ZZEF1: variants seen among roughly 807,000 people sequenced by gnomAD.
The protein encoded by ZZEF1 is zinc finger ZZ-type and EF-hand domain-containing protein 1.
Under a neutral mutation model 342.8 loss-of-function variants are expected in ZZEF1, and 157 were observed. The ratio of observed to expected loss-of-function variants is 0.46; its 90% confidence interval spans 0.40 to 0.52. The LOEUF (loss-of-function observed/expected upper bound fraction) is 0.52. Ranked by LOEUF, ZZEF1 falls within the 20% of genes least tolerant of loss-of-function variation. The pLI, the probability that ZZEF1 is intolerant of heterozygous loss-of-function variation, is 0.00. For missense variants in ZZEF1, 3,480 were observed against 3,725.6 expected, an observed-to-expected ratio of 0.93 and a Z score of 1.72; for synonymous variants, 1,505 against 1,429.1, an observed-to-expected ratio of 1.05 and a Z score of -1.20.
chr17:4,077,817 GAA>G (rs1297471996), intron 19 of ZZEF1, 64 bp downstream of exon 19: 50 of 1,551,142 alleles, frequency 3.2e-5, no homozygotes, highest in Non-Finnish European at 4.4e-5. Context: ...AGTTACTAAA[GAA>G]GAGAACACTC....
intron 25 of ZZEF1, 128 bp from the exon 26 acceptor site, chr17:4,071,052 T>C (rs1054917077): frequency 1.8e-6 from 2 of 1,107,100 alleles, no homozygotes; most frequent in Non-Finnish European, 2.5e-6. Flanking sequence ...TTAAATCTAT[T>C]TTAGGAAGAC....
intron 11 of ZZEF1, among the ~76,000 whole-genome samples, chr17:4,093,656 C>G (rs1313087801): frequency 2.6e-5 from 4 of 152,170 alleles, no homozygotes; most frequent in Non-Finnish European, 5.9e-5. Context: ...TGTGCATTTT[C>G]ACAAATTCCC....
chr17:4,127,960 C>A (rs1231389498), intron 1 of ZZEF1, among the ~76,000 whole-genome samples: 1 of 152,204 alleles, frequency 6.6e-6, no homozygotes, highest in Non-Finnish European at 1.5e-5. Flanking sequence ...ACACAAAGAG[C>A]AACCAGCTTT....
intron 38 of ZZEF1, among the ~76,000 whole-genome samples, chr17:4,043,513 G>A (rs549566493): frequency 1.3e-5 from 2 of 152,324 alleles, no homozygotes; most frequent in South Asian, 4.1e-4. Context: ...GCCACCATAA[G>A]GAGGAGGCTG....
chr17:4,050,945 C>G lies in ZZEF1; in HGVS notation c.5699G>C (p.Trp1900Ser), dbSNP rs747567918. Residue 1900 changes from tryptophan (W) to serine (S), a missense_variant, in exon 36 of 55, where the codon TGG becomes TCG. Coordinates refer to ENST00000381638, the MANE Select transcript of ZZEF1 (RefSeq NM_015113.4). ...LIQPYIHNYS[W>S]LLFAALALYS... Reference sequence around the variant, plus strand: ...GAGAGCCAGGGCAGCAAAGAGCAGCCAGGAGTAGTTATGGATATATGGCTG... The same window carrying G: ...GAGAGCCAGGGCAGCAAAGAGCAGCGAGGAGTAGTTATGGATATATGGCTG... 3.7e-6 allele frequency: 6 copies of G among 1,614,198 alleles called. No individual in the cohort carries two copies. The Admixed American group carries it at 8.3e-5, about 22-fold the overall frequency.
In ZZEF1 at chr17:4,142,846, C is replaced by T; in HGVS notation, c.50G>A (p.Gly17Asp). ...CTGGTGTGGGCCCCAGCCCTCGCCACCGGCAGCTGCCGCTTCGTCTTCACT... is the reference window on the plus strand; with the variant it reads ...CTGGTGTGGGCCCCAGCCCTCGCCATCGGCAGCTGCCGCTTCGTCTTCACT... ...HSSEDEAAAA[G>D]GEGWGPHQDW... The change falls in exon 1 of 55, where the codon GGT (glycine) becomes GAT (aspartate). Residue 17 changes from glycine to aspartate, a missense_variant. Coordinates refer to ENST00000381638, the MANE Select transcript of ZZEF1 (RefSeq NM_015113.4). 1 of 1,395,406 alleles carries T rather than the reference C, an allele frequency of 7.2e-7. No homozygotes were observed. The allele number at this position is 1,395,406 out of a possible 1,614,324, so 86.4% of individuals were successfully genotyped here.
At position 4,062,904 on chromosome 17, in the gene ZZEF1, G is replaced by T. The variant is rs1488241569; in HGVS notation, c.4732C>A (p.Leu1578Ile). 6.2e-7 allele frequency: 1 copy of T among 1,611,434 alleles called. No individual in the cohort carries two copies. Among genetic ancestry groups the T allele is most frequent in the Non-Finnish European group, 8.5e-7 (1 of 1,179,154 alleles). Reference protein sequence around the residue: ...SLSHRSVVKVLSLRKAQAQSI... With the variant: ...SLSHRSVVKVISLRKAQAQSI... Reference sequence around the variant, plus strand: ...TGGGCCTGGGCTTTCCTCAGGGAAAGAACCTTCACAACACTGGAGACACAA... The same window carrying T: ...TGGGCCTGGGCTTTCCTCAGGGAAATAACCTTCACAACACTGGAGACACAA... The change falls in exon 30 of 55, where the codon CTT becomes ATT. Residue 1578 changes from leucine to isoleucine, a missense_variant. Around this residue, in one of 5 missense-constraint regions of ZZEF1, gnomAD observed 1,528 missense variants for 1,624.1 expected, o/e 0.94. Transcript: ENST00000381638.
At chr17:4,095,723 T>C in intron 11 of ZZEF1, 108 bp downstream of exon 11, 2 of 1,253,160 alleles carry the variant, frequency 1.6e-6, no homozygotes, top group Non-Finnish European at 2.1e-6. Flanking sequence ...GCCTTTTCTA[T>C]AAAGACAAGC....
In ZZEF1 at chr17:4,077,997, C is replaced by G. The variant is rs1393227923; in HGVS notation, c.2875G>C (p.Val959Leu). 1 of 1,613,978 alleles carries G rather than the reference C, an allele frequency of 6.2e-7. No homozygotes were observed. The highest frequency in any genetic ancestry group is 2.2e-5 in the East Asian group (1 of 44,896). The stretch of plus-strand genomic sequence containing the variant: ...ACGGACCAGAACAGGGAGAAGAGCA[C>G]AGAGCCCACCTCCCCTGGGGCCCCA... ...LSGAPGEVGS[V>L]LFSLFWSVQG... The change falls in exon 19 of 55, where the codon GTG (valine) becomes CTG (leucine). Residue 959 changes from valine (V) to leucine (L), a missense_variant. Around this residue, in one of 5 missense-constraint regions of ZZEF1, gnomAD observed 1,528 missense variants for 1,624.1 expected, o/e 0.94. Transcript: ENST00000381638.
chr17:4,009,343 C>T (rs2055884324), intron 53 of ZZEF1: 2 of 586,660 alleles, frequency 3.4e-6, no homozygotes, highest in Admixed American at 6.0e-5. Context: ...CCAAAACTCA[C>T]TGTTGTCAAG....
At chr17:4,093,221 G>C (rs2057976912) in intron 11 of ZZEF1, among the ~76,000 whole-genome samples, 1 of 152,150 alleles carries the variant, frequency 6.6e-6, no homozygotes, top group Admixed American at 6.5e-5. Context: ...CCCAAGAGTA[G>C]GACATAGCTG....
chr17:4,009,261 A>C (rs1428231082), intron 53 of ZZEF1: 3 of 558,922 alleles, frequency 5.4e-6, no homozygotes, highest in African/African-American at 1.9e-5. Flanking sequence ...CAGCTCCCAC[A>C]TTCAATCAGT....
chr17:4,091,804 C>T (rs1319955784), intron 11 of ZZEF1, among the ~76,000 whole-genome samples: 2 of 150,614 alleles, frequency 1.3e-5, no homozygotes, highest in Non-Finnish European at 3.0e-5. Flanking sequence ...AGGCCGGGCA[C>T]GGTGGCTCAC....
intron 3 of ZZEF1, among the ~76,000 whole-genome samples, chr17:4,116,156 TA>T (rs1431800930): frequency 6.6e-6 from 1 of 152,132 alleles, no homozygotes; most frequent in Non-Finnish European, 1.5e-5. Context: ...CTGTCTCTAC[TA>T]AAAATACAGA....
chr17:4,039,869 C>T (rs2056764971), intron 39 of ZZEF1, among the ~76,000 whole-genome samples: 4 of 152,026 alleles, frequency 2.6e-5, no homozygotes, highest in Admixed American at 2.6e-4. Flanking sequence ...TGGTCTCGAT[C>T]TCCTGACCTC....
At chr17:4,015,688 C>T (rs1030460030) in intron 49 of ZZEF1, among the ~76,000 whole-genome samples, 5 of 151,672 alleles carry the variant, frequency 3.3e-5, no homozygotes, top group African/African-American at 1.2e-4. Flanking sequence ...CACTTGAATT[C>T]GGGAGGTGGA....
intron 2 of ZZEF1, among the ~76,000 whole-genome samples, chr17:4,123,288 T>TATATATAC (rs1181606521): frequency 2.1e-5 from 2 of 95,358 alleles, no homozygotes; most frequent in Non-Finnish European, 4.5e-5. Context: ...TATATATATA[T>TATATATAC]ATATATATAT....
At position 4,105,738 on chromosome 17, in the gene ZZEF1, G is replaced by A. The variant is rs1393971744; in HGVS notation, c.1349C>T (p.Pro450Leu). The change falls in exon 7 of 55, where the codon CCT (proline) becomes CTT (leucine). Residue 450 changes from proline to leucine, a missense_variant. Around this residue, in one of 5 missense-constraint regions of ZZEF1, gnomAD observed 1,528 missense variants for 1,624.1 expected, o/e 0.94. Coordinates refer to ENST00000381638, the MANE Select transcript of ZZEF1 (RefSeq NM_015113.4). ...GSTDFSTFLS[P>L]NVLEEVDSFL... is the part of the protein sequence containing the mutation. ...ACTGTCCACTTCTTCCAGCACATTA[G>A]GGGAGAGGAAAGTTGAGAAATCTGT... 3.1e-6 allele frequency: 5 copies of A among 1,613,526 alleles called. No individual in the cohort carries two copies. The highest frequency in any genetic ancestry group is 4.2e-6 in the Non-Finnish European group (5 of 1,179,778).
At position 4,066,556 on chromosome 17, in the gene ZZEF1, A is replaced by C; in HGVS notation, c.4156-16T>G. ...TCATCTCTAACTAGGGGAGAATTTGAGCCACATCATTATGCTGTCCAGGCA... is the reference window on the plus strand; with the variant it reads ...TCATCTCTAACTAGGGGAGAATTTGCGCCACATCATTATGCTGTCCAGGCA... On this transcript the variant is annotated splice_polypyrimidine_tract_variant and intron_variant, in intron 27 of 54. Coordinates refer to ENST00000381638, the MANE Select transcript of ZZEF1 (RefSeq NM_015113.4). 6 of 1,612,750 alleles carry C rather than the reference A, an allele frequency of 3.7e-6. No individual in the cohort carries two copies. The highest frequency in any genetic ancestry group is 5.1e-6 in the Non-Finnish European group (6 of 1,178,816).
Sources: allele counts gnomAD v4.1 joint callset (sites outside exome capture counted in the v4.1 genomes callset), GRCh38; gene constraint gnomAD v4.1.1; regional missense constraint gnomAD v4.1.1; transcripts MANE v1.5; gene names NCBI Gene and HGNC (gene_info 2026-07-23, HGNC 2026-07-21).